The following MPC2 variants were observed in gnomAD, a reference collection of about 807,000 sequenced individuals.
The protein encoded by MPC2 is mitochondrial pyruvate carrier 2, also known as brain protein 44.
Under a neutral mutation model 19.2 loss-of-function variants are expected in MPC2, and 19 were observed. The observed-to-expected ratio is 0.99, with a 90% CI of 0.69 to 1.45. The LOEUF (loss-of-function observed/expected upper bound fraction) is 1.45, where lower values mean the gene tolerates loss of function less well. MPC2 is among the 40% of genes most tolerant of loss of function. The pLI is 0.00. For synonymous variants in MPC2, 61 were observed against 54.3 expected (o/e 1.12, Z -0.54); for missense variants, 122 against 153.0 (o/e 0.80, Z 1.07).
chr1:167,918,473 C>A (rs1483063202), intron 5 of MPC2, 114 bp from the exon 6 acceptor site: 2 of 598,624 alleles, frequency 3.3e-6, no homozygotes, highest in Non-Finnish European at 5.6e-6. Context: ...AGTAGCTATA[C>A]AGTTGTAAAC....
intron 3 of MPC2, 98 bp from the exon 4 acceptor site, chr1:167,920,729 G>A: frequency 2.6e-6 from 3 of 1,162,274 alleles, no homozygotes; most frequent in Non-Finnish European, 3.5e-6. Context: ...ATTTCCGTAA[G>A]TTAGCAGCTA....
intron 2 of MPC2, among the ~76,000 whole-genome samples, chr1:167,932,869 TTCA>T (rs1670949964): frequency 6.6e-6 from 1 of 150,764 alleles, no homozygotes; most frequent in South Asian, 2.1e-4. Flanking sequence ...GCAACATAAC[TTCA>T]AGATTATTTC....
chr1:167,929,650 ACT>A (rs939578851), intron 2 of MPC2, among the ~76,000 whole-genome samples: 2 of 152,240 alleles, frequency 1.3e-5, no homozygotes, highest in African/African-American at 4.8e-5. Flanking sequence ...GAGAGAAATT[ACT>A]GTTAATAAAA....
chr1:167,924,541 A>G lies in MPC2; in HGVS notation c.110-4T>C, dbSNP rs556773486. The stretch of plus-strand genomic sequence containing the variant: ...CAGAAGAAAACTGTTCTGGGACCTG[A>G]AAAAAAAAAGAAAAGAAAAATTCAG... On this transcript the variant is annotated splice_polypyrimidine_tract_variant and splice_region_variant and intron_variant, in intron 2 of 5. Transcript: ENST00000271373. 61 of 1,263,490 alleles carry G rather than the reference A, an allele frequency of 4.8e-5. No individual in the cohort carries two copies. The African/African-American group carries it at 8.8e-4, about 18-fold the overall frequency. The allele number at this position is 1,263,490 out of a possible 1,614,324, so 78.3% of individuals were successfully genotyped here. A position where few individuals can be genotyped will look rare whatever the true frequency, so the allele number is the denominator to read the frequency against.
intron 3 of MPC2, among the ~76,000 whole-genome samples, chr1:167,922,564 G>A (rs1038136894): frequency 6.6e-6 from 1 of 151,850 alleles, no homozygotes; most frequent in Non-Finnish European, 1.5e-5. Flanking sequence ...TTAGTATAGG[G>A]GGTTTTAGGA....
At chr1:167,929,645 A>T (rs906812559) in intron 2 of MPC2, among the ~76,000 whole-genome samples, 4 of 152,210 alleles carry the variant, frequency 2.6e-5, no homozygotes, top group Non-Finnish European at 5.9e-5. Context: ...TATTTGAGAG[A>T]AATTACTGTT....
At chr1:167,924,871 A>T (rs1332293979) in intron 2 of MPC2, among the ~76,000 whole-genome samples, 1 of 152,202 alleles carries the variant, frequency 6.6e-6, no homozygotes, top group Non-Finnish European at 1.5e-5. Flanking sequence ...TAACACTCTC[A>T]TCCCAAATGA....
At chr1:167,924,832 T>C (rs893063033) in intron 2 of MPC2, among the ~76,000 whole-genome samples, 1 of 152,202 alleles carries the variant, frequency 6.6e-6, no homozygotes, top group Non-Finnish European at 1.5e-5. Context: ...TTGATTCTAA[T>C]GTACTTTCAT....
rs1413372697 is a variant in MPC2 at position 167,918,310 on chromosome 1, A to T, written c.*13T>A. ...TGTCCACATCTAGATTGTTCAGGTG[A>T]TCAGGAACTCTTTTATTTGTGTGCT... On this transcript the variant is annotated 3_prime_UTR_variant, in exon 6 of 6. Coordinates refer to ENST00000271373, the MANE Select transcript of MPC2 (RefSeq NM_001143674.4). The T allele has an allele frequency of 1.3e-6, 2 of 1,564,312 alleles. No homozygotes were observed. The highest frequency in any genetic ancestry group is 1.8e-6 in the Non-Finnish European group (2 of 1,139,344).
chr1:167,935,668 A>G (rs1671114703), intron 2 of MPC2, 65 bp downstream of exon 2: 1 of 1,407,076 alleles, frequency 7.1e-7, no homozygotes, highest in African/African-American at 1.4e-5. Flanking sequence ...GAGGGCCTCT[A>G]AAAGGTCCAT....
chr1:167,928,319 G>GAAA (rs34157542), intron 2 of MPC2, among the ~76,000 whole-genome samples: 4 of 91,500 alleles, frequency 4.4e-5, no homozygotes, highest in Non-Finnish European at 7.0e-5. Flanking sequence ...CTGCACTCCA[G>GAAA]AAAAAAAAAA....
chr1:167,924,635 T>C, intron 2 of MPC2, 98 bp from the exon 3 acceptor site: 1 of 876,690 alleles, frequency 1.1e-6, no homozygotes, highest in Non-Finnish European at 1.7e-6. Flanking sequence ...AAAGGATTTA[T>C]CAACCTATTT....
At position 167,916,683 on chromosome 1, in the gene MPC2, C is replaced by A. The variant is rs1670455704; in HGVS notation, c.*1640G>T. On this transcript the variant is annotated 3_prime_UTR_variant, in exon 6 of 6. Coordinates refer to ENST00000271373, the MANE Select transcript of MPC2 (RefSeq NM_001143674.4). ...TGACTGACAAGAGGGGCTTAGGAGA[C>A]CCCGCACAGAAGAGGTTTTAATGAA... 6.6e-6 allele frequency: 1 copy of A among 152,148 alleles called. No homozygotes were observed. The highest frequency in any genetic ancestry group is 2.4e-5 in the African/African-American group (1 of 41,424). The allele number at this position is 152,148 out of a possible 1,614,324, so 9.4% of individuals were successfully genotyped here.
chr1:167,924,246 G>T (rs1670674587), intron 3 of MPC2, among the ~76,000 whole-genome samples: 1 of 151,958 alleles, frequency 6.6e-6, no homozygotes, highest in Admixed American at 6.6e-5. Context: ...ATGTCCATGT[G>T]GTGCACAATT....
intron 3 of MPC2, among the ~76,000 whole-genome samples, chr1:167,922,443 C>A (rs943717799): frequency 2.6e-5 from 4 of 151,992 alleles, no homozygotes; most frequent in Non-Finnish European, 5.9e-5. Flanking sequence ...CACTCAAACT[C>A]TTTTAATGAT....
rs1195966229 is a variant in MPC2, at chr1:167,925,458, T to TAC, written c.110-922_110-921insGT. On this transcript the variant is annotated intron_variant, in intron 2 of 5. Transcript: ENST00000271373. ...ACATATACACATATATATATATATA[T>TAC]ATATATATATATATATACATATACA... 3.5e-5 allele frequency among the ~76,000 whole-genome samples: 4 copies of TAC among 113,722 alleles called. No individual in the cohort carries two copies. In the Admixed American group the frequency reaches 3.8e-4, roughly 11 times the overall value. 74.6% of individuals were successfully genotyped at this position (113,722 alleles called of 152,430 possible). A position where few individuals can be genotyped will look rare whatever the true frequency, so the allele number is the denominator to read the frequency against.
Position 167,917,073 on chromosome 1 carries a change from C to T in MPC2, c.*1250G>A, listed in dbSNP as rs972492586. 4.6e-5 allele frequency: 7 copies of T among 152,280 alleles called. No homozygotes were observed. Among genetic ancestry groups the T allele is most frequent in the Admixed American group, 6.5e-5 (1 of 15,300 alleles). 9.4% of individuals were successfully genotyped at this position (152,280 alleles called of 1,614,324 possible). On this transcript the variant is annotated 3_prime_UTR_variant, in exon 6 of 6. Coordinates refer to ENST00000271373, the MANE Select transcript of MPC2 (RefSeq NM_001143674.4). The stretch of plus-strand genomic sequence containing the variant: ...TTTCTTCAAATTTTGAAATAACTTG[C>T]TTTGCTGACTCATCTGACTATATTT...
chr1:167,936,087 G>A, intron 1 of MPC2, 189 bp from the exon 2 acceptor site: 1 of 568,786 alleles, frequency 1.8e-6, no homozygotes, highest in Non-Finnish European at 3.2e-6. Flanking sequence ...CCCCCGGCAG[G>A]AGAGAGGGAG....
chr1:167,934,251 T>C (rs1193302681), intron 2 of MPC2, among the ~76,000 whole-genome samples: 1 of 152,212 alleles, frequency 6.6e-6, no homozygotes, highest in Non-Finnish European at 1.5e-5. Context: ...CCTCCAATTT[T>C]GTATTATTTT....
Sources: gnomAD v4.1 joint callset for allele counts (sites outside exome capture counted in the v4.1 genomes callset) on GRCh38, gnomAD v4.1.1 for gene constraint, MANE v1.5 for transcripts, NCBI Gene and HGNC (gene_info 2026-07-23, HGNC 2026-07-21) for gene names.